The following RPH3AL variants were observed in gnomAD, a reference collection of about 807,000 sequenced individuals.
RPH3AL encodes the protein rabphilin 3A like (without C2 domains).
Under a neutral mutation model 43.1 loss-of-function variants are expected in RPH3AL, and 38 were observed. That is an observed-to-expected ratio of 0.88 (90% CI 0.68 to 1.15). The LOEUF (loss-of-function observed/expected upper bound fraction) is 1.15. Among genes scored for constraint, RPH3AL ranks in the 50% most tolerant of loss-of-function variants. The pLI, the probability that RPH3AL is intolerant of heterozygous loss-of-function variation, is 0.00. For synonymous variants in RPH3AL, 189 were observed against 176.3 expected, an observed-to-expected ratio of 1.07 and a Z score of -0.57; for missense variants, 462 against 423.2, an observed-to-expected ratio of 1.09 and a Z score of -0.81.
At chr17:352,317 A>G (rs2045370178) in intron 1 of RPH3AL, among the ~76,000 whole-genome samples, 1 of 152,138 alleles carries the variant, frequency 6.6e-6, no homozygotes, top group Non-Finnish European at 1.5e-5. Context: ...ATCTGCTGCT[A>G]GCGCACAACC....
rs1555540516 is a variant in RPH3AL, at chr17:247,257, T to C, written c.467A>G (p.Tyr156Cys). 1 of 1,601,990 alleles carries C rather than the reference T, an allele frequency of 6.2e-7. No homozygotes were observed. Among genetic ancestry groups the C allele is most frequent in the South Asian group, 1.1e-5 (1 of 89,524 alleles). ...CAAGATATACTTGGGGAGCCCTTTGTAGAACCAGGCCCCCGACCTCTTCCA... is the reference window on the plus strand; with the variant it reads ...CAAGATATACTTGGGGAGCCCTTTGCAGAACCAGGCCCCCGACCTCTTCCA... Reference protein sequence around the residue: ...EVWKRSGAWFYKGLPKYILPL... With the variant: ...EVWKRSGAWFCKGLPKYILPL... Residue 156 changes from tyrosine to cysteine, a missense_variant, in exon 7 of 10, where the codon TAC (tyrosine) becomes TGC (cysteine). Tyr to Cys is a radical substitution (Grantham distance 194, BLOSUM62 -2). Transcript: ENST00000331302.
chr17:347,365 C>T (rs1057432488), intron 1 of RPH3AL, among the ~76,000 whole-genome samples: 10 of 152,294 alleles, frequency 6.6e-5, no homozygotes, highest in African/African-American at 2.2e-4. Flanking sequence ...AACCCTCAAG[C>T]ACTGCAAAAC....
At chr17:237,333 T>C (rs2041422470) in intron 7 of RPH3AL, among the ~76,000 whole-genome samples, 1 of 152,152 alleles carries the variant, frequency 6.6e-6, no homozygotes, top group African/African-American at 2.4e-5. Flanking sequence ...ATCCAAAACC[T>C]GTAAGGGAAC....
intron 3 of RPH3AL, among the ~76,000 whole-genome samples, chr17:321,803 G>A (rs763565910): frequency 5.3e-5 from 8 of 151,896 alleles, no homozygotes; most frequent in East Asian, 3.9e-4. Flanking sequence ...CCTGCCATCC[G>A]CCAGCTCCTG....
intron 6 of RPH3AL, among the ~76,000 whole-genome samples, chr17:273,163 T>A (rs138118033): frequency 0.73 from 441 of 602 alleles, 186 homozygotes; most frequent in South Asian, 0.86. Context: ...GATGTCAGGG[T>A]GAGACCCCAG....
intron 6 of RPH3AL, among the ~76,000 whole-genome samples, chr17:255,914 G>A (rs1440106395): frequency 1.9e-5 from 1 of 52,574 alleles, no homozygotes; most frequent in East Asian, 4.4e-4. Flanking sequence ...TTCCTATGAG[G>A]GGAGCCGCAC....
At chr17:262,001 A>T (rs1422195302) in intron 6 of RPH3AL, 1 of 152,242 alleles carries the variant, frequency 6.6e-6, no homozygotes. Context: ...TGTCAATAAG[A>T]AACACAGTCA....
At chr17:348,517 A>G (rs537345655) in intron 1 of RPH3AL, among the ~76,000 whole-genome samples, 39 of 144,416 alleles carry the variant, frequency 2.7e-4, no homozygotes, top group Non-Finnish European at 5.1e-4. Context: ...TTTTTTCTGT[A>G]AACCTAACAC....
At chr17:263,297 G>A (rs556340389) in intron 6 of RPH3AL, among the ~76,000 whole-genome samples, 12 of 152,258 alleles carry the variant, frequency 7.9e-5, no homozygotes, top group East Asian at 5.8e-4. Flanking sequence ...TCAAAGAGCC[G>A]AAAGTAATAA....
rs78672666 is a variant in RPH3AL, at chr17:304,692, T to G, written c.351+14728A>C. Among the ~76,000 whole-genome samples, 57 of 152,250 alleles carry G rather than the reference T, an allele frequency of 3.7e-4. No homozygotes were observed. In the East Asian group the frequency reaches 0.011, roughly 28 times the overall value. On this transcript the variant is annotated intron_variant, in intron 5 of 9. Coordinates refer to ENST00000331302, the MANE Select transcript of RPH3AL (RefSeq NM_006987.4). ...GAACCAATGAGCCTGGCTGGACTCC[T>G]GCAAACCTTGAGGGACGCCGAGATT...
intron 5 of RPH3AL, among the ~76,000 whole-genome samples, chr17:309,806 A>T (rs1212925887): frequency 6.6e-6 from 1 of 152,058 alleles, no homozygotes; most frequent in East Asian, 1.9e-4. Context: ...TCAGCAGGAC[A>T]CATCCCCTCC....
chr17:248,959 C>G (rs1356811157), intron 6 of RPH3AL, among the ~76,000 whole-genome samples: 1 of 152,182 alleles, frequency 6.6e-6, no homozygotes, highest in Non-Finnish European at 1.5e-5. Context: ...GAGAGCCAGG[C>G]TGGACCACAT....
chr17:321,554 G>A (rs944472399), intron 3 of RPH3AL, 139 bp from the exon 4 acceptor site: 167 of 846,044 alleles, frequency 2.0e-4, no homozygotes, highest in Middle Eastern at 3.2e-4. Flanking sequence ...AGCGCGGGCA[G>A]CAGAGATGGC....
At chr17:299,792 G>A (rs66542400) in intron 5 of RPH3AL, among the ~76,000 whole-genome samples, 50,495 of 152,214 alleles carry the variant, frequency 0.33, 9,022 homozygotes, top group South Asian at 0.49. Flanking sequence ...AAATTACCGC[G>A]CTTGGCAACG....
chr17:345,338 G>GC (rs1367445315), intron 1 of RPH3AL, among the ~76,000 whole-genome samples: 1 of 135,322 alleles, frequency 7.4e-6, no homozygotes, highest in Non-Finnish European at 1.7e-5. Flanking sequence ...GCAGTAGCTG[G>GC]CAAGTCTACA....
At chr17:214,808 G>T (rs1289170464) in intron 9 of RPH3AL, 1 of 152,870 alleles carries the variant, frequency 6.5e-6, no homozygotes, top group Non-Finnish European at 1.5e-5. Flanking sequence ...TTCAACCTGG[G>T]GGTCTGCTCA....
intron 6 of RPH3AL, among the ~76,000 whole-genome samples, chr17:270,590 C>T (rs1022176052): frequency 6.6e-6 from 1 of 152,086 alleles, no homozygotes; most frequent in Non-Finnish European, 1.5e-5. Context: ...CGGCTCATGC[C>T]TGTAATCCCA....
intron 7 of RPH3AL, among the ~76,000 whole-genome samples, chr17:244,286 C>T (rs2041690408): frequency 6.6e-6 from 1 of 151,842 alleles, no homozygotes; most frequent in Non-Finnish European, 1.5e-5. Context: ...ATTACCCTTC[C>T]TCTATTGATT....
rs534455374 is a variant in RPH3AL at position 315,925 on chromosome 17, T to A, written c.351+3495A>T. The stretch of plus-strand genomic sequence containing the variant: ...TCCACCTCCACTGATGTGTAGTCCC[T>A]GTGCCCCCACCTCCATTGACCTGTA... On this transcript the variant is annotated intron_variant, in intron 5 of 9. Transcript: ENST00000331302. Among the ~76,000 whole-genome samples the A allele has an allele frequency of 3.4e-5, 5 of 145,146 alleles. No individual in the cohort carries two copies. The South Asian group carries it at 6.6e-4, about 19-fold the overall frequency.
Sources: allele counts gnomAD v4.1 joint callset (sites outside exome capture counted in the v4.1 genomes callset), GRCh38; gene constraint gnomAD v4.1.1; transcripts MANE v1.5; gene names NCBI Gene and HGNC (gene_info 2026-07-23, HGNC 2026-07-21).